The following OLFM2 variants were observed in gnomAD, a reference collection of about 807,000 sequenced individuals.
OLFM2 encodes noelin-2.
Under a neutral mutation model 43.9 loss-of-function variants are expected in OLFM2, and 20 were observed. That is an observed-to-expected ratio of 0.46 (90% CI 0.32 to 0.66). The LOEUF (loss-of-function observed/expected upper bound fraction) is 0.66, where lower values mean the gene tolerates loss of function less well. OLFM2 is among the 30% of genes least tolerant of loss of function. OLFM2 has a pLI of 0.04. For missense variants in OLFM2, 416 were observed against 643.6 expected, an observed-to-expected ratio of 0.65 and a Z score of 3.83; for synonymous variants, 268 against 278.6, an observed-to-expected ratio of 0.96 and a Z score of 0.38.
chr19:9,874,790 A>T (rs1045584406), intron 1 of OLFM2, among the ~76,000 whole-genome samples: 1 of 151,678 alleles, frequency 6.6e-6, no homozygotes, highest in Non-Finnish European at 1.5e-5. Flanking sequence ...CTTTTATTTT[A>T]TTTTTTAGAG....
intron 1 of OLFM2, among the ~76,000 whole-genome samples, chr19:9,871,252 C>T (rs1328834928): frequency 6.8e-6 from 1 of 146,814 alleles, no homozygotes; most frequent in Non-Finnish European, 1.5e-5. Flanking sequence ...GCCTGGGCAA[C>T]AAAGCGAGAT....
At chr19:9,867,821 G>C (rs181658531) in intron 1 of OLFM2, among the ~76,000 whole-genome samples, 4 of 152,294 alleles carry the variant, frequency 2.6e-5, no homozygotes, top group Admixed American at 6.5e-5. Flanking sequence ...TCTGATTGTT[G>C]CAAGGGAGGT....
chr19:9,924,915 T>C (rs988430997), intron 1 of OLFM2, among the ~76,000 whole-genome samples: 1 of 151,744 alleles, frequency 6.6e-6, no homozygotes, highest in Non-Finnish European at 1.5e-5. Context: ...TGCGTGTATA[T>C]ATATAGATAT....
chr19:9,858,130 C>T (rs1039971371), intron 2 of OLFM2: 5 of 551,848 alleles, frequency 9.1e-6, no homozygotes, highest in Admixed American at 8.8e-5. Context: ...ACCTTCATCC[C>T]CTGTAGTCAA....
intron 1 of OLFM2, among the ~76,000 whole-genome samples, chr19:9,894,710 A>G (rs2046668481): frequency 6.6e-6 from 1 of 152,154 alleles, no homozygotes; most frequent in Admixed American, 6.6e-5. Context: ...ACTCCGTCTC[A>G]AAAGAATAAA....
intron 1 of OLFM2, among the ~76,000 whole-genome samples, chr19:9,911,469 A>G (rs528389348): frequency 2.1e-4 from 32 of 152,208 alleles, no homozygotes; most frequent in Non-Finnish European, 3.8e-4. Context: ...AGTGGAGATC[A>G]GGTCTGTTTG....
intron 1 of OLFM2, among the ~76,000 whole-genome samples, chr19:9,912,449 C>T (rs2046834828): frequency 6.6e-6 from 1 of 152,076 alleles, no homozygotes; most frequent in South Asian, 2.1e-4. Flanking sequence ...AAAGGGAGCC[C>T]CAGGCATCGC....
intron 1 of OLFM2, among the ~76,000 whole-genome samples, chr19:9,895,731 G>A (rs1327760352): frequency 6.6e-6 from 1 of 152,016 alleles, no homozygotes; most frequent in Non-Finnish European, 1.5e-5. Flanking sequence ...CACCTCCAGG[G>A]TTCAAGTGAT....
intron 2 of OLFM2, 98 bp downstream of exon 2, chr19:9,860,546 GC>G: frequency 7.6e-7 from 1 of 1,318,930 alleles, no homozygotes; most frequent in Non-Finnish European, 1.1e-6. Flanking sequence ...AATTTGCATA[GC>G]TGGATATGGC....
chr19:9,872,430 G>C (rs578242690), intron 1 of OLFM2, among the ~76,000 whole-genome samples: 2 of 151,994 alleles, frequency 1.3e-5, no homozygotes, highest in African/African-American at 4.8e-5. Context: ...TGGGAGGATC[G>C]CCTGAGCCTG....
chr19:9,885,420 T>C (rs1207562705), intron 1 of OLFM2, among the ~76,000 whole-genome samples: 1 of 152,230 alleles, frequency 6.6e-6, no homozygotes, highest in Non-Finnish European at 1.5e-5. Flanking sequence ...GGTGCTCCTA[T>C]GACCCCCCTC....
rs111384845 is a variant in OLFM2 at position 9,912,059 on chromosome 19, C to T, written c.63+24245G>A. Among the ~76,000 whole-genome samples the T allele has an allele frequency of 6.5e-3, 985 of 152,278 alleles. 11 individuals carry two copies. Among genetic ancestry groups the T allele is most frequent in the African/African-American group, 0.023 (948 of 41,532 alleles). On this transcript the variant is annotated intron_variant, in intron 1 of 5. Coordinates refer to ENST00000264833, the MANE Select transcript of OLFM2 (RefSeq NM_058164.4). ...ATGCACCCTCACACACAGGAAGGCA[C>T]ATCGGACCCCATGCCGGCAGTGCAC...
At chr19:9,930,173 A>C (rs974801817) in intron 1 of OLFM2, among the ~76,000 whole-genome samples, 2 of 152,196 alleles carry the variant, frequency 1.3e-5, no homozygotes, top group African/African-American at 4.8e-5. Context: ...CAGTCACCAA[A>C]CATACACATA....
intron 2 of OLFM2, among the ~76,000 whole-genome samples, chr19:9,858,850 G>A (rs1332295451): frequency 6.6e-6 from 1 of 151,224 alleles, no homozygotes; most frequent in Non-Finnish European, 1.5e-5. Flanking sequence ...GTAGACTCCA[G>A]CTGGCTAAGG....
chr19:9,890,470 A>G (rs1244386557), intron 1 of OLFM2, among the ~76,000 whole-genome samples: 1 of 152,208 alleles, frequency 6.6e-6, no homozygotes, highest in Admixed American at 6.5e-5. Context: ...GTGCATGTGG[A>G]CGTGTCTACA....
chr19:9,900,502 C>T (rs986855302), intron 1 of OLFM2, among the ~76,000 whole-genome samples: 7 of 152,048 alleles, frequency 4.6e-5, no homozygotes, highest in South Asian at 2.1e-4. Context: ...ATAAAAACCA[C>T]GGTCTCTACC....
At chr19:9,931,193 C>G (rs905263823) in intron 1 of OLFM2, among the ~76,000 whole-genome samples, 5 of 152,214 alleles carry the variant, frequency 3.3e-5, no homozygotes, top group African/African-American at 1.2e-4. Flanking sequence ...CGTCTTACCC[C>G]TAAACAACAG....
At chr19:9,863,197 T>C (rs2046376847) in intron 1 of OLFM2, among the ~76,000 whole-genome samples, 1 of 152,028 alleles carries the variant, frequency 6.6e-6, no homozygotes, top group African/African-American at 2.4e-5. Flanking sequence ...GCCTGGTGTG[T>C]TTGTGAAACA....
intron 1 of OLFM2, chr19:9,913,772 A>AGG (rs1239701593): frequency 2.0e-6 from 1 of 489,408 alleles, no homozygotes; most frequent in African/African-American, 2.2e-5. Flanking sequence ...GGACGGGGTG[A>AGG]GGGGGGGCTC....
Sources: allele counts gnomAD v4.1 joint callset (sites outside exome capture counted in the v4.1 genomes callset), GRCh38; gene constraint gnomAD v4.1.1; transcripts MANE v1.5; gene names NCBI Gene and HGNC (gene_info 2026-07-23, HGNC 2026-07-21).